PTPRT: variants seen among roughly 807,000 people sequenced by gnomAD.
PTPRT encodes protein tyrosine phosphatase receptor type T.
PTPRT carries 56 observed loss-of-function variants against 176.8 expected under a neutral mutation model. The observed-to-expected ratio is 0.32, with a 90% CI of 0.26 to 0.40. PTPRT has a LOEUF of 0.40. PTPRT is among the 10% of genes least tolerant of loss of function. The pLI is 1.00. For synonymous variants in PTPRT, 783 were observed against 739.0 expected, an observed-to-expected ratio of 1.06 and a Z score of -0.96; for missense variants, 1,540 against 1,908.2, an observed-to-expected ratio of 0.81 and a Z score of 3.60.
intron 13 of PTPRT, among the ~76,000 whole-genome samples, chr20:42,267,891 A>G (rs2056865662): frequency 1.3e-5 from 2 of 152,208 alleles, no homozygotes; most frequent in South Asian, 2.1e-4. Context: ...ATTACCTATG[A>G]CTGTGGCTAT....
At chr20:42,184,361 T>TTCTTAGA in intron 16 of PTPRT, among the ~76,000 whole-genome samples, 1 of 152,150 alleles carries the variant, frequency 6.6e-6, no homozygotes, top group Middle Eastern at 3.2e-3. Context: ...CTATGATGTT[T>TTCTTAGA]TCTTTGATCA....
intron 1 of PTPRT, among the ~76,000 whole-genome samples, chr20:43,124,659 A>G (rs537764842): frequency 5.9e-5 from 9 of 152,338 alleles, no homozygotes; most frequent in African/African-American, 2.2e-4. Flanking sequence ...CACGCATTCA[A>G]CGATCCAACA....
At chr20:42,454,699 CT>C (rs969577528) in intron 8 of PTPRT, among the ~76,000 whole-genome samples, 3 of 152,018 alleles carry the variant, frequency 2.0e-5, no homozygotes, top group Admixed American at 1.3e-4. Flanking sequence ...TAATTTGTGT[CT>C]TGTGTTTCTC....
At chr20:42,651,270 A>T (rs1286976291) in intron 7 of PTPRT, among the ~76,000 whole-genome samples, 1 of 152,190 alleles carries the variant, frequency 6.6e-6, no homozygotes, top group Non-Finnish European at 1.5e-5. Flanking sequence ...GGAATTAACA[A>T]ACATGGCCAA....
the PTPRT span, among the ~76,000 whole-genome samples, chr20:42,053,419 G>T: frequency 6.6e-6 from 1 of 152,118 alleles, no homozygotes; most frequent in Non-Finnish European, 1.5e-5. Context: ...CTGTATATTT[G>T]GGAACCTCTG....
chr20:42,600,186 C>A (rs1044593291), intron 7 of PTPRT, among the ~76,000 whole-genome samples: 9 of 152,182 alleles, frequency 5.9e-5, no homozygotes, highest in Non-Finnish European at 1.5e-5. Flanking sequence ...GTCACCCCCA[C>A]TGGAGTTCAG....
chr20:42,603,814 T>A (rs964221782), intron 7 of PTPRT, among the ~76,000 whole-genome samples: 1 of 152,070 alleles, frequency 6.6e-6, no homozygotes, highest in African/African-American at 2.4e-5. Context: ...TCCCAAGACA[T>A]CCAGGAGAGG....
chr20:42,241,799 A>G (rs537492385), intron 14 of PTPRT, among the ~76,000 whole-genome samples: 39 of 152,218 alleles, frequency 2.6e-4, no homozygotes, highest in African/African-American at 9.1e-4. Flanking sequence ...ACAGAAGATG[A>G]CACATTTTGT....
Position 42,631,430 on chromosome 20 carries a change from T to C in PTPRT, c.1153+46436A>G, listed in dbSNP as rs956828585. ...ATTCAGCTTCACATATTGCCACATG[T>C]TATGTTCCCTGAGAAGCAGACTCTG... On this transcript the variant is annotated intron_variant, in intron 7 of 30. Transcript: ENST00000373187. 5.9e-5 allele frequency among the ~76,000 whole-genome samples: 9 copies of C among 152,176 alleles called. 1 individual carries two copies. The highest frequency in any genetic ancestry group is 1.2e-4 in the Non-Finnish European group (8 of 68,032).
At chr20:42,781,241 C>T (rs780200708) in intron 3 of PTPRT, among the ~76,000 whole-genome samples, 21 of 152,118 alleles carry the variant, frequency 1.4e-4, no homozygotes, top group Non-Finnish European at 2.5e-4. Context: ...CTAAAGCCCC[C>T]ATTCCTTTGC....
intron 7 of PTPRT, among the ~76,000 whole-genome samples, chr20:42,654,255 A>G (rs1328541798): frequency 1.3e-5 from 2 of 152,210 alleles, no homozygotes; most frequent in South Asian, 2.1e-4. Flanking sequence ...ACCCAGGAGG[A>G]GAAGGCTGGT....
chr20:42,705,730 A>G (rs2076044088), intron 6 of PTPRT, among the ~76,000 whole-genome samples: 2 of 152,130 alleles, frequency 1.3e-5, no homozygotes, highest in Non-Finnish European at 2.9e-5. Context: ...CCTCATGGCA[A>G]CCTTGGCTTC....
intron 17 of PTPRT, among the ~76,000 whole-genome samples, chr20:42,158,053 T>C (rs982030682): frequency 6.6e-6 from 1 of 152,250 alleles, no homozygotes; most frequent in South Asian, 2.1e-4. Context: ...CTCTGAACAC[T>C]GTGTAGAAGA....
chr20:42,749,188 C>T (rs190258365), intron 6 of PTPRT, among the ~76,000 whole-genome samples: 3 of 152,224 alleles, frequency 2.0e-5, no homozygotes, highest in East Asian at 1.9e-4. Context: ...GGATAGGGTC[C>T]GTCACAGCCC....
rs538278604 is a variant in PTPRT at position 42,142,940 on chromosome 20, G to C, written c.2683-938C>G. On this transcript the variant is annotated intron_variant, in intron 17 of 30. Transcript: ENST00000373187. ...GAAACAGCCAGTCACACCAAGAAAA[G>C]TAGAAAGTGCTTTTCAGGCAGAGGG... 5.9e-5 allele frequency among the ~76,000 whole-genome samples: 9 copies of C among 152,272 alleles called. No individual in the cohort carries two copies. In the South Asian group the frequency reaches 1.7e-3, roughly 28 times the overall value.
intron 1 of PTPRT, among the ~76,000 whole-genome samples, chr20:43,079,828 C>T (rs2011390221): frequency 6.6e-6 from 1 of 152,126 alleles, no homozygotes; most frequent in African/African-American, 2.4e-5. Context: ...CTTTTCCCTT[C>T]CAATCCTTTT....
chr20:42,634,872 T>A (rs2074559362), intron 7 of PTPRT, among the ~76,000 whole-genome samples: 1 of 152,136 alleles, frequency 6.6e-6, no homozygotes, highest in Admixed American at 6.6e-5. Flanking sequence ...TCAATTTGAT[T>A]ATAAAACAAA....
intron 1 of PTPRT, among the ~76,000 whole-genome samples, chr20:42,957,818 C>T (rs1271365333): frequency 6.6e-6 from 1 of 152,148 alleles, no homozygotes; most frequent in African/African-American, 2.4e-5. Flanking sequence ...CCTAAAACCT[C>T]CCAATTACAC....
At chr20:42,039,266 T>C in the PTPRT span, among the ~76,000 whole-genome samples, 1 of 152,192 alleles carries the variant, frequency 6.6e-6, no homozygotes, top group African/African-American at 2.4e-5. Flanking sequence ...ACATAGTGTT[T>C]TGATATATGC....
Sources: gnomAD v4.1 joint callset for allele counts (sites outside exome capture counted in the v4.1 genomes callset) on GRCh38, gnomAD v4.1.1 for gene constraint, MANE v1.5 for transcripts, NCBI Gene and HGNC (gene_info 2026-07-23, HGNC 2026-07-21) for gene names.